PITPNM2: variants seen among roughly 807,000 people sequenced by gnomAD.
PITPNM2 encodes membrane-associated phosphatidylinositol transfer protein 2.
PITPNM2 carries 35 observed loss-of-function variants against 132.2 expected under a neutral mutation model. The observed-to-expected ratio is 0.26, with a 90% confidence interval of 0.20 to 0.35. The LOEUF (loss-of-function observed/expected upper bound fraction) is 0.35. Ranked by LOEUF, PITPNM2 falls within the 10% of genes least tolerant of loss-of-function variation. PITPNM2 has a pLI of 1.00. For synonymous variants in PITPNM2, 738 were observed against 799.2 expected, an observed-to-expected ratio of 0.92 and a Z score of 1.29; for missense variants, 1,332 against 1,912.0, an observed-to-expected ratio of 0.70 and a Z score of 5.66.
chr12:123,032,930 T>C (rs934192527), intron 3 of PITPNM2, among the ~76,000 whole-genome samples: 2 of 152,278 alleles, frequency 1.3e-5, no homozygotes, highest in Non-Finnish European at 2.9e-5. Context: ...GGCTCCCACA[T>C]AGGGGAGCCT....
In PITPNM2 at chr12:123,097,875, C is replaced by T. The variant is rs180715783; in HGVS notation, c.-96+12510G>A. ...GAACAGCTGGACAGAGCTCGGAAAG[C>T]GGCTGCAGCCAGATGGGAACAACAT... is the stretch of plus-strand genomic sequence containing the variant. On this transcript the variant is annotated intron_variant, in intron 2 of 25. Coordinates refer to ENST00000320201, the MANE Select transcript of PITPNM2 (RefSeq NM_020845.3). This position sits in a 1 kb window ranked among gnomAD's most constrained non-coding sequence, Gnocchi z 4.7. Among the ~76,000 whole-genome samples, 114 of 152,342 alleles carry T rather than the reference C, an allele frequency of 7.5e-4. No individual in the cohort carries two copies. The highest frequency in any genetic ancestry group is 5.6e-3 in the Admixed American group (85 of 15,304).
chr12:122,995,336 T>C, intron 14 of PITPNM2, 53 bp downstream of exon 14: 1 of 1,536,496 alleles, frequency 6.5e-7, no homozygotes, highest in East Asian at 2.3e-5. Context: ...TCCTCCCTCT[T>C]GGAGCCTCTT....
intron 2 of PITPNM2, among the ~76,000 whole-genome samples, chr12:123,050,698 G>A (rs1003502880): frequency 9.2e-5 from 14 of 152,178 alleles, no homozygotes; most frequent in Non-Finnish European, 7.3e-5. Context: ...CATTGTGAGC[G>A]GTGTGGCCTT....
At chr12:123,029,963 A>G (rs2040020794) in intron 3 of PITPNM2, among the ~76,000 whole-genome samples, 1 of 152,072 alleles carries the variant, frequency 6.6e-6, no homozygotes, top group Non-Finnish European at 1.5e-5. Flanking sequence ...CTGCCCTGAG[A>G]CACTCACTGT....
rs761733296 is a variant in PITPNM2, at chr12:122,987,542, C to T, written c.3232G>A (p.Val1078Met). ...YTIPESHRLG[V>M]GVYPIKMVVR... ...ACCATCTTGATAGGGTAGACACCCA[C>T]GCCCAGGCGGTGCGACTCAGGGATG... Residue 1078 changes from valine (V) to methionine (M), a missense_variant, in exon 22 of 26, where the codon GTG becomes ATG. Val to Met is a conservative substitution (Grantham distance 21). Coordinates refer to ENST00000320201, the MANE Select transcript of PITPNM2 (RefSeq NM_020845.3). 14 of 1,613,604 alleles carry T rather than the reference C, an allele frequency of 8.7e-6. No homozygotes were observed. The highest frequency in any genetic ancestry group is 4.5e-5 in the East Asian group (2 of 44,890).
chr12:123,052,708 T>C (rs2040902184), intron 2 of PITPNM2, among the ~76,000 whole-genome samples: 1 of 152,116 alleles, frequency 6.6e-6, no homozygotes, highest in South Asian at 2.1e-4. Context: ...CTCCCTTCCA[T>C]TCTTGGAATA....
intron 1 of PITPNM2, among the ~76,000 whole-genome samples, chr12:123,146,829 G>A (rs767772266): frequency 2.6e-4 from 40 of 152,032 alleles, no homozygotes; most frequent in African/African-American, 6.3e-4. Context: ...GCATTAAACC[G>A]GTAATCAGGG....
intron 1 of PITPNM2, among the ~76,000 whole-genome samples, chr12:123,135,432 A>G (rs1361504725): frequency 6.6e-6 from 1 of 152,104 alleles, no homozygotes; most frequent in African/African-American, 2.4e-5. Flanking sequence ...ATTGTTGACT[A>G]TAAGTACAAT....
In PITPNM2 at chr12:122,988,250, G is replaced by T; in HGVS notation, c.2981C>A (p.Thr994Asn). 1 of 1,612,886 alleles carries T rather than the reference G, an allele frequency of 6.2e-7. No individual in the cohort carries two copies. The highest frequency in any genetic ancestry group is 1.1e-5 in the South Asian group (1 of 91,088). Residue 994 changes from threonine (T) to asparagine (N), a missense_variant, in exon 20 of 26, where the codon ACC becomes AAC. By Grantham distance (65) the Thr-to-Asn change is moderately conservative. Coordinates refer to ENST00000320201, the MANE Select transcript of PITPNM2 (RefSeq NM_020845.3). ...GACCCTCACCCGCAGCTTCACGTGGGTCCGCTTGCGCTGCCACTTCTCCCT... is the reference window on the plus strand; with the variant it reads ...GACCCTCACCCGCAGCTTCACGTGGTTCCGCTTGCGCTGCCACTTCTCCCT... The part of the protein sequence containing the change: ...KPREKWQRKR[T>N]HVKLRNVTAN...
In PITPNM2 at chr12:123,095,379, A is replaced by G. The variant is rs1336086641; in HGVS notation, c.-96+15006T>C. 6.6e-6 allele frequency among the ~76,000 whole-genome samples: 1 copy of G among 152,170 alleles called. No homozygotes were observed. The highest frequency in any genetic ancestry group is 1.9e-4 in the East Asian group (1 of 5,188). Reference sequence around the variant, plus strand: ...ACGATTGCTCTGCGCTGCCATCTTTAGAAACAATCATTTCTTGGGCGTGCA... The same window carrying G: ...ACGATTGCTCTGCGCTGCCATCTTTGGAAACAATCATTTCTTGGGCGTGCA... On this transcript the variant is annotated intron_variant, in intron 2 of 25. Coordinates refer to ENST00000320201, the MANE Select transcript of PITPNM2 (RefSeq NM_020845.3). The surrounding 1 kb of genome is among the most constrained non-coding windows in gnomAD (Gnocchi z 5.0).
rs182502967 is a variant in PITPNM2, at chr12:123,112,759, T to C, written c.-199-2271A>G. Among the ~76,000 whole-genome samples, 517 of 152,104 alleles carry C rather than the reference T, an allele frequency of 3.4e-3. 2 individuals are homozygous for C. Among genetic ancestry groups the C allele is most frequent in the African/African-American group, 9.5e-3 (393 of 41,494 alleles). On this transcript the variant is annotated intron_variant, in intron 1 of 25. Coordinates refer to ENST00000320201, the MANE Select transcript of PITPNM2 (RefSeq NM_020845.3). The stretch of plus-strand genomic sequence containing the variant: ...TTCACCATGTTAGCCAGGATGGTCT[T>C]TATCTCCTGACCTCGTGATCCGCCC...
At chr12:123,043,920 A>T (rs1267616850) in intron 2 of PITPNM2, among the ~76,000 whole-genome samples, 1 of 152,210 alleles carries the variant, frequency 6.6e-6, no homozygotes, top group African/African-American at 2.4e-5. Context: ...CTTGAAACTC[A>T]GAGCCTCCAA....
chr12:123,005,528 G>C lies in PITPNM2; in HGVS notation c.664C>G (p.Arg222Gly). The C allele has an allele frequency of 6.2e-7, 1 of 1,613,514 alleles. No individual in the cohort carries two copies. Among genetic ancestry groups the C allele is most frequent in the Non-Finnish European group, 8.5e-7 (1 of 1,179,928 alleles). The change falls in exon 7 of 26, where the codon CGG becomes GGG. Residue 222 changes from arginine to glycine, a missense_variant. By Grantham distance (125) the Arg-to-Gly change is moderately radical. Around this residue, in one of 6 missense-constraint regions of PITPNM2, gnomAD observed 122 missense variants for 209.6 expected, o/e 0.58. Coordinates refer to ENST00000320201, the MANE Select transcript of PITPNM2 (RefSeq NM_020845.3). The surrounding 1 kb of genome is among the most constrained non-coding windows in gnomAD (Gnocchi z 6.2). ...HDTGLRRVMV[R>G]AHRQAWCWQD... The stretch of plus-strand genomic sequence containing the variant: ...CAGCACCAGGCCTGCCGGTGAGCCC[G>C]CACCATCACCCTCCGTAGTCCTGTG...
Position 122,986,010 on chromosome 12 carries a change from G to C in PITPNM2, c.*17C>G. The C allele has an allele frequency of 7.2e-7, 1 of 1,390,154 alleles. No individual in the cohort carries two copies. Among genetic ancestry groups the C allele is most frequent in the Non-Finnish European group, 9.2e-7 (1 of 1,082,414 alleles). 86.1% of individuals were successfully genotyped at this position (1,390,154 alleles called of 1,614,324 possible). On this transcript the variant is annotated 3_prime_UTR_variant, in exon 26 of 26. Transcript: ENST00000320201. ...TGGCCTAGCACCATGGAGACCCCGC[G>C]CTGCACTCACGGTGCCCTACTTGGG...
intron 1 of PITPNM2, among the ~76,000 whole-genome samples, chr12:123,142,882 GAAA>G (rs60824594): frequency 2.1e-5 from 3 of 141,062 alleles, no homozygotes; most frequent in East Asian, 2.0e-4. Flanking sequence ...TCCCTCTTAT[GAAA>G]AAAAAAAAAA....
chr12:123,028,032 C>G (rs1487747554), intron 3 of PITPNM2, among the ~76,000 whole-genome samples: 1 of 152,228 alleles, frequency 6.6e-6, no homozygotes, highest in Non-Finnish European at 1.5e-5. Context: ...GAGACAGCGG[C>G]AGTTGGACAG....
At chr12:123,038,841 T>A (rs1361401952) in intron 2 of PITPNM2, among the ~76,000 whole-genome samples, 2 of 152,186 alleles carry the variant, frequency 1.3e-5, no homozygotes, top group Non-Finnish European at 2.9e-5. Flanking sequence ...GGCTCACACC[T>A]ATAATCCTAG....
intron 3 of PITPNM2, among the ~76,000 whole-genome samples, chr12:123,025,220 G>T (rs900950413): frequency 2.6e-5 from 4 of 152,164 alleles, no homozygotes; most frequent in African/African-American, 9.7e-5. Flanking sequence ...GTATGTGTGC[G>T]TGCATACACC....
chr12:123,133,965 G>GC lies in PITPNM2; in HGVS notation c.-200+16787dup, dbSNP rs1167320183. On this transcript the variant is annotated intron_variant, in intron 1 of 25. Coordinates refer to ENST00000320201, the MANE Select transcript of PITPNM2 (RefSeq NM_020845.3). Reference sequence around the variant, plus strand: ...CCAAGTGCTGAGATTACAGGCGTGAGCCACCGCATCCGGCCCCAGCCTCAT... The same window carrying GC: ...CCAAGTGCTGAGATTACAGGCGTGAGCCCACCGCATCCGGCCCCAGCCTCAT... 6.6e-5 allele frequency among the ~76,000 whole-genome samples: 10 copies of GC among 152,064 alleles called. No individual in the cohort carries two copies. The East Asian group carries it at 1.6e-3, about 24-fold the overall frequency.
Sources: allele counts gnomAD v4.1 joint callset (sites outside exome capture counted in the v4.1 genomes callset), GRCh38; gene constraint gnomAD v4.1.1; regional missense constraint gnomAD v4.1.1; non-coding constraint Gnocchi (gnomAD v3.1); transcripts MANE v1.5; gene names NCBI Gene and HGNC (gene_info 2026-07-23, HGNC 2026-07-21).